BBX: variants seen among roughly 807,000 people sequenced by gnomAD.
BBX encodes the protein HMG box transcription factor BBX.
Under a neutral mutation model 100.2 loss-of-function variants are expected in BBX, and 30 were observed. That is an observed-to-expected ratio of 0.30 (90% CI 0.22 to 0.41). The LOEUF is 0.41. BBX is among the 10% of genes least tolerant of loss of function. The probability of loss-of-function intolerance (pLI) is 1.00; values close to 1 mark genes in which losing one functional copy is unlikely to be tolerated. For synonymous variants in BBX, 376 were observed against 388.1 expected (o/e 0.97, Z 0.37); for missense variants, 1,023 against 1,129.8 (o/e 0.91, Z 1.35).
intron 2 of BBX, among the ~76,000 whole-genome samples, chr3:107,603,178 A>T (rs551750573): frequency 1.1e-3 from 167 of 151,786 alleles, no homozygotes; most frequent in African/African-American, 3.6e-3. Context: ...GTTGGCCAGG[A>T]TGGTCTCGAT....
chr3:107,610,001 T>C (rs2054725741), intron 2 of BBX, among the ~76,000 whole-genome samples: 1 of 152,074 alleles, frequency 6.6e-6, no homozygotes, highest in Non-Finnish European at 1.5e-5. Flanking sequence ...TAGGCACTTA[T>C]AGCTATAAAA....
intron 7 of BBX, among the ~76,000 whole-genome samples, chr3:107,734,753 T>A (rs966085253): frequency 5.3e-5 from 8 of 152,206 alleles, no homozygotes; most frequent in Non-Finnish European, 1.5e-5. Flanking sequence ...AAGCATGGTT[T>A]CTTTTTCCCC....
At chr3:107,556,912 T>C (rs1380217895) in intron 2 of BBX, among the ~76,000 whole-genome samples, 5 of 152,194 alleles carry the variant, frequency 3.3e-5, no homozygotes, top group African/African-American at 7.2e-5. Flanking sequence ...GCCCAAATTT[T>C]GTTGCCAGAG....
chr3:107,636,301 T>A (rs561551266), intron 2 of BBX, among the ~76,000 whole-genome samples: 9 of 152,160 alleles, frequency 5.9e-5, no homozygotes, highest in Non-Finnish European at 2.9e-5. Context: ...GTACATGGAA[T>A]ATTTTCCTAA....
chr3:107,734,310 G>A (rs977484360), intron 7 of BBX, among the ~76,000 whole-genome samples: 1 of 152,170 alleles, frequency 6.6e-6, no homozygotes, highest in African/African-American at 2.4e-5. Context: ...GTATAAATGT[G>A]TAAAAAATGC....
At chr3:107,702,595 CA>C (rs2061146484) in intron 3 of BBX, among the ~76,000 whole-genome samples, 1 of 151,858 alleles carries the variant, frequency 6.6e-6, no homozygotes, top group Non-Finnish European at 1.5e-5. Context: ...CTGACAGATC[CA>C]AAAAAAGCAT....
At chr3:107,654,148 A>T (rs989099947) in intron 3 of BBX, among the ~76,000 whole-genome samples, 3 of 152,218 alleles carry the variant, frequency 2.0e-5, no homozygotes, top group Admixed American at 1.3e-4. Flanking sequence ...ACCTCTTTTT[A>T]TAGCAATCAT....
Position 107,801,227 on chromosome 3 carries a change from C to T in BBX, c.2684C>T (p.Ala895Val), listed in dbSNP as rs1249447669. 4 of 1,614,026 alleles carry T rather than the reference C, an allele frequency of 2.5e-6. No homozygotes were observed. The highest frequency in any genetic ancestry group is 2.2e-5 in the East Asian group (1 of 44,894). Residue 895 changes from alanine to valine, a missense_variant, in exon 17 of 18, where the codon GCG becomes GTG. Around this residue, in one of 9 missense-constraint regions of BBX, gnomAD observed 104 missense variants for 132.2 expected, o/e 0.79. Transcript: ENST00000325805. ...SSTPEMPAVS[A>V]FFSLAALAEV... Reference sequence around the variant, plus strand: ...ACTCCAGAAATGCCTGCCGTGTCTGCGTTCTTTAGCCTCGCTGCGCTGGCT... The same window carrying T: ...ACTCCAGAAATGCCTGCCGTGTCTGTGTTCTTTAGCCTCGCTGCGCTGGCT...
intron 2 of BBX, among the ~76,000 whole-genome samples, chr3:107,636,248 A>G (rs1398153712): frequency 6.6e-6 from 1 of 152,140 alleles, no homozygotes; most frequent in East Asian, 1.9e-4. Context: ...AGTCCCACTC[A>G]AGGAGCCATG....
At position 107,755,709 on chromosome 3, in the gene BBX, T is replaced by A. The variant is rs370340696; in HGVS notation, c.906+31T>A. The stretch of plus-strand genomic sequence containing the variant: ...TTCCTAAGAATATATTGAGATAAGA[T>A]CTGCAGAGGTGGAAATTACAAAATA... On this transcript the variant is annotated intron_variant, in intron 10 of 17. Coordinates refer to ENST00000325805, the MANE Select transcript of BBX (RefSeq NM_001142568.3). 8.7e-5 allele frequency: 135 copies of A among 1,555,472 alleles called. No individual in the cohort carries two copies. In the African/African-American group the frequency reaches 1.1e-3, roughly 12 times the overall value.
chr3:107,626,369 A>G (rs1221535726), intron 2 of BBX, among the ~76,000 whole-genome samples: 1 of 152,242 alleles, frequency 6.6e-6, no homozygotes, highest in African/African-American at 2.4e-5. Flanking sequence ...AATCTGTATT[A>G]GTTATCTGTT....
intron 3 of BBX, among the ~76,000 whole-genome samples, chr3:107,686,412 TTTG>T (rs1463949125): frequency 3.9e-5 from 6 of 152,118 alleles, no homozygotes; most frequent in South Asian, 4.1e-4. Context: ...GTCTGTGTTT[TTTG>T]TTGTTCTTGT....
At chr3:107,745,507 G>T (rs2064506651) in intron 8 of BBX, among the ~76,000 whole-genome samples, 1 of 151,886 alleles carries the variant, frequency 6.6e-6, no homozygotes, top group African/African-American at 2.4e-5. Flanking sequence ...TGTCATCCAG[G>T]CTAGAGTGCA....
intron 2 of BBX, among the ~76,000 whole-genome samples, chr3:107,555,017 G>A (rs1020648320): frequency 1.4e-5 from 2 of 146,816 alleles, no homozygotes; most frequent in African/African-American, 2.5e-5. Flanking sequence ...GCAATGAGCC[G>A]AGATCGTGGC....
At chr3:107,716,222 T>C (rs1319085816) in intron 4 of BBX, among the ~76,000 whole-genome samples, 1 of 152,202 alleles carries the variant, frequency 6.6e-6, no homozygotes, top group Non-Finnish European at 1.5e-5. Flanking sequence ...GGTTTATTCA[T>C]TCATTCCACA....
chr3:107,743,126 T>C (rs1279573308), intron 7 of BBX, among the ~76,000 whole-genome samples: 3 of 152,190 alleles, frequency 2.0e-5, no homozygotes, highest in African/African-American at 7.2e-5. Context: ...TATGCACACC[T>C]GTTTTATTAA....
At chr3:107,629,461 G>A (rs2056412084) in intron 2 of BBX, among the ~76,000 whole-genome samples, 1 of 152,158 alleles carries the variant, frequency 6.6e-6, no homozygotes, top group Admixed American at 6.5e-5. Context: ...GTGGAATGAT[G>A]TTTGAAGCTA....
chr3:107,670,050 T>C (rs2058941489), intron 3 of BBX, among the ~76,000 whole-genome samples: 1 of 152,172 alleles, frequency 6.6e-6, no homozygotes, highest in Non-Finnish European at 1.5e-5. Flanking sequence ...TTCATGTATA[T>C]TAGTACACCT....
intron 10 of BBX, among the ~76,000 whole-genome samples, chr3:107,756,511 GTTTA>G (rs934510962): frequency 2.0e-5 from 3 of 151,828 alleles, no homozygotes; most frequent in Non-Finnish European, 2.9e-5. Flanking sequence ...ATTTTTTGTA[GTTTA>G]TTTAACTTAA....
Sources: allele counts gnomAD v4.1 joint callset (sites outside exome capture counted in the v4.1 genomes callset), GRCh38; gene constraint gnomAD v4.1.1; regional missense constraint gnomAD v4.1.1; transcripts MANE v1.5; gene names NCBI Gene and HGNC (gene_info 2026-07-23, HGNC 2026-07-21).